COL14A1: variants seen among roughly 807,000 people sequenced by gnomAD.
COL14A1 encodes collagen alpha-1(XIV) chain.
COL14A1 carries 136 observed loss-of-function variants against 230.3 expected under a neutral mutation model. That is an observed-to-expected ratio of 0.59 (90% CI 0.51 to 0.68). COL14A1 has a LOEUF of 0.68. COL14A1 is among the 30% of genes least tolerant of loss of function. The pLI is 0.00. For synonymous variants in COL14A1, 792 were observed against 784.1 expected (o/e 1.01, Z -0.17); for missense variants, 1,976 against 2,215.8 (o/e 0.89, Z 2.17).
chr8:120,232,371 A>C (rs1261459881), intron 19 of COL14A1, among the ~76,000 whole-genome samples: 1 of 152,104 alleles, frequency 6.6e-6, no homozygotes, highest in Admixed American at 6.6e-5. Context: ...TGCACCCATC[A>C]ACCCGTCATC....
intron 5 of COL14A1, among the ~76,000 whole-genome samples, chr8:120,193,550 T>C (rs950642759): frequency 6.6e-6 from 1 of 152,198 alleles, no homozygotes; most frequent in Non-Finnish European, 1.5e-5. Flanking sequence ...TCCAGCTGCA[T>C]GCTGGGAGAA....
At chr8:120,204,405 G>C (rs1253978753) in intron 9 of COL14A1, among the ~76,000 whole-genome samples, 1 of 152,092 alleles carries the variant, frequency 6.6e-6, no homozygotes, top group Non-Finnish European at 1.5e-5. Context: ...AAAATATTAC[G>C]TGAATGGAGG....
At chr8:120,209,215 C>G (rs1817542386) in intron 11 of COL14A1, among the ~76,000 whole-genome samples, 1 of 151,960 alleles carries the variant, frequency 6.6e-6, no homozygotes, top group Non-Finnish European at 1.5e-5. Flanking sequence ...ACAAAAAATA[C>G]AAAAATTAGC....
At chr8:120,290,173 A>G (rs1046541446) in intron 34 of COL14A1, among the ~76,000 whole-genome samples, 2 of 152,208 alleles carry the variant, frequency 1.3e-5, no homozygotes, top group Admixed American at 6.5e-5. Flanking sequence ...AAAATTAGTG[A>G]ATATTATACA....
intron 16 of COL14A1, among the ~76,000 whole-genome samples, 192 bp downstream of exon 16, chr8:120,226,958 G>T (rs1286931042): frequency 6.6e-6 from 1 of 152,048 alleles, no homozygotes; most frequent in Admixed American, 6.5e-5. Context: ...CAGAGCTTTA[G>T]TTATATATTT....
At chr8:120,279,394 C>G (rs1374253214) in intron 28 of COL14A1, among the ~76,000 whole-genome samples, 1 of 151,364 alleles carries the variant, frequency 6.6e-6, no homozygotes, top group Non-Finnish European at 1.5e-5. Flanking sequence ...ACAGAAATTC[C>G]TCAGCCTCTT....
chr8:120,280,135 T>G (rs1215651118), intron 29 of COL14A1, 36 bp downstream of exon 29: 2 of 1,610,976 alleles, frequency 1.2e-6, no homozygotes, highest in East Asian at 2.2e-5. Flanking sequence ...CTCATGTTGC[T>G]TAACAGCTGA....
intron 23 of COL14A1, among the ~76,000 whole-genome samples, chr8:120,257,537 G>A (rs1319769693): frequency 2.0e-5 from 3 of 152,196 alleles, no homozygotes; most frequent in Non-Finnish European, 4.4e-5. Context: ...ACTTTGGAAT[G>A]GAGAAGAATT....
chr8:120,363,776 A>T (rs1222301219), intron 45 of COL14A1, among the ~76,000 whole-genome samples: 1 of 152,220 alleles, frequency 6.6e-6, no homozygotes, highest in Non-Finnish European at 1.5e-5. Context: ...TAGGTAATGC[A>T]GTGGAATGCG....
At chr8:120,317,073 G>A (rs1486733427) in intron 40 of COL14A1, among the ~76,000 whole-genome samples, 3 of 152,252 alleles carry the variant, frequency 2.0e-5, no homozygotes, top group Middle Eastern at 3.4e-3. Flanking sequence ...AACTGTCACC[G>A]ATTTAGACAT....
At chr8:120,225,854 G>A (rs74404108) in intron 15 of COL14A1, among the ~76,000 whole-genome samples, 1 of 151,720 alleles carries the variant, frequency 6.6e-6, no homozygotes, top group African/African-American at 2.4e-5. Context: ...GAGATGAGAC[G>A]GTAATTTGGA....
In COL14A1 at chr8:120,370,575, C is replaced by A. The variant is rs868745652; in HGVS notation, c.5312-577C>A. ...ATGGAGTGATAACATCGGAACTTAA[C>A]CAAATCATATATGTCTATTTTAATA... On this transcript the variant is annotated intron_variant, in intron 47 of 47. Transcript: ENST00000297848. The A allele has an allele frequency of 8.9e-6, 13 of 1,457,104 alleles. No homozygotes were observed. The African/African-American group carries it at 1.1e-4, about 13-fold the overall frequency. The allele number at this position is 1,457,104 out of a possible 1,614,324, so 90.3% of individuals were successfully genotyped here.
At chr8:120,292,886 C>T (rs1820414445) in intron 34 of COL14A1, among the ~76,000 whole-genome samples, 1 of 152,036 alleles carries the variant, frequency 6.6e-6, no homozygotes, top group Non-Finnish European at 1.5e-5. Context: ...GATACAGTAA[C>T]TACTCGATAG....
At chr8:120,346,570 G>C (rs1014849392) in intron 45 of COL14A1, among the ~76,000 whole-genome samples, 23 of 152,160 alleles carry the variant, frequency 1.5e-4, no homozygotes, top group African/African-American at 5.3e-4. Context: ...TTTGACTCAT[G>C]CTAACAGGCC....
chr8:120,370,343 C>A, intron 47 of COL14A1: 2 of 1,612,032 alleles, frequency 1.2e-6, no homozygotes. Context: ...AAGATCTGAT[C>A]CCCTACAATG....
intron 13 of COL14A1, 97 bp downstream of exon 13, chr8:120,212,674 A>G (rs1465899027): frequency 7.6e-7 from 1 of 1,307,810 alleles, no homozygotes; most frequent in Non-Finnish European, 1.1e-6. Flanking sequence ...GAAACCTCTT[A>G]AAAGCTAATT....
chr8:120,212,978 A>G (rs1027933231), intron 13 of COL14A1, among the ~76,000 whole-genome samples: 1 of 152,226 alleles, frequency 6.6e-6, no homozygotes, highest in Non-Finnish European at 1.5e-5. Flanking sequence ...ATAATCTTGC[A>G]GCATGTGGTT....
At chr8:120,219,185 T>C (rs1027029060) in intron 14 of COL14A1, among the ~76,000 whole-genome samples, 1 of 152,252 alleles carries the variant, frequency 6.6e-6, no homozygotes, top group African/African-American at 2.4e-5. Flanking sequence ...AGTGTGATCG[T>C]GGCTCACTGC....
At chr8:120,336,895 T>G (rs1397913654) in intron 42 of COL14A1, among the ~76,000 whole-genome samples, 1 of 152,210 alleles carries the variant, frequency 6.6e-6, no homozygotes, top group Non-Finnish European at 1.5e-5. Flanking sequence ...CGGCAAATCC[T>G]TCTTTAAGGC....
Sources: gnomAD v4.1 joint callset for allele counts (sites outside exome capture counted in the v4.1 genomes callset) on GRCh38, gnomAD v4.1.1 for gene constraint, MANE v1.5 for transcripts, NCBI Gene and HGNC (gene_info 2026-07-23, HGNC 2026-07-21) for gene names.